Variants in LINGO2 observed in about 807,000 individuals in gnomAD.
LINGO2 encodes the protein leucine rich repeat and Ig domain containing 2.
LINGO2 carries 14 observed loss-of-function variants against 30.6 expected under a neutral mutation model. That is an observed-to-expected ratio of 0.46 (90% CI 0.30 to 0.72). The LOEUF is 0.72. LINGO2 is among the 30% of genes least tolerant of loss of function. The pLI, the probability that LINGO2 is intolerant of heterozygous loss-of-function variation, is 0.07. For synonymous variants in LINGO2, 317 were observed against 288.5 expected (o/e 1.10, Z -1.00); for missense variants, 729 against 751.7 (o/e 0.97, Z 0.35).
the LINGO2 span, among the ~76,000 whole-genome samples, chr9:28,767,108 C>T: frequency 6.6e-6 from 1 of 152,026 alleles, no homozygotes; most frequent in Admixed American, 6.6e-5. Flanking sequence ...AATGGAGAGA[C>T]GTAGGTCAAA....
chr9:28,854,838 T>C, the LINGO2 span, among the ~76,000 whole-genome samples: 10 of 151,948 alleles, frequency 6.6e-5, no homozygotes, highest in Admixed American at 2.0e-4. Context: ...TTATGTTCTT[T>C]GGCACAAACA....
the LINGO2 span, among the ~76,000 whole-genome samples, chr9:29,064,063 G>T: frequency 1.3e-5 from 2 of 151,932 alleles, no homozygotes; most frequent in African/African-American, 4.8e-5. Context: ...TTTAATTGTC[G>T]CAGTGAACAT....
chr9:28,220,436 C>T (rs1359242834), intron 4 of LINGO2, among the ~76,000 whole-genome samples: 4 of 152,084 alleles, frequency 2.6e-5, no homozygotes, highest in Admixed American at 2.0e-4. Context: ...CAGGAGCACA[C>T]AGTAGGATGT....
At chr9:28,191,798 A>ATTCAGTAAAATG (rs1299810681) in intron 4 of LINGO2, among the ~76,000 whole-genome samples, 1 of 152,076 alleles carries the variant, frequency 6.6e-6, no homozygotes, top group African/African-American at 2.4e-5. Context: ...CTTTTCCCAT[A>ATTCAGTAAAATG]TTCAGTAAAA....
the LINGO2 span, among the ~76,000 whole-genome samples, chr9:28,909,562 T>A: frequency 1.3e-5 from 2 of 152,010 alleles, no homozygotes; most frequent in Non-Finnish European, 2.9e-5. Flanking sequence ...GACTCTTGAT[T>A]TCAGAACAAA....
At chr9:28,200,532 C>T (rs1820192052) in intron 4 of LINGO2, among the ~76,000 whole-genome samples, 1 of 152,094 alleles carries the variant, frequency 6.6e-6, no homozygotes, top group South Asian at 2.1e-4. Flanking sequence ...TTACATATGG[C>T]TTTAAGAATA....
intron 4 of LINGO2, among the ~76,000 whole-genome samples, chr9:28,055,232 T>G (rs1824870253): frequency 2.6e-5 from 4 of 152,148 alleles, no homozygotes. Context: ...GAAAATAACT[T>G]ACGAATAAGG....
intron 1 of LINGO2, among the ~76,000 whole-genome samples, chr9:28,588,277 A>C (rs934073375): frequency 6.6e-6 from 1 of 151,754 alleles, no homozygotes; most frequent in African/African-American, 2.4e-5. Context: ...TTAGCTGAAA[A>C]ATGATTGGAG....
At chr9:28,227,335 G>T (rs766733149) in intron 4 of LINGO2, among the ~76,000 whole-genome samples, 8 of 152,060 alleles carry the variant, frequency 5.3e-5, no homozygotes, top group Non-Finnish European at 1.2e-4. Context: ...ATTTAGGAGA[G>T]ATAGAGCAGC....
the LINGO2 span, among the ~76,000 whole-genome samples, chr9:29,175,655 T>C: frequency 6.6e-6 from 1 of 151,302 alleles, no homozygotes. Context: ...GTCTCCTGAG[T>C]AGCTGGGATT....
chr9:28,040,006 A>G (rs978407220), intron 4 of LINGO2, among the ~76,000 whole-genome samples: 14 of 152,306 alleles, frequency 9.2e-5, no homozygotes, highest in Non-Finnish European at 1.3e-4. Context: ...GCCAAGCTTG[A>G]GTCCATGTGC....
chr9:29,126,778 G>A, the LINGO2 span, among the ~76,000 whole-genome samples: 1 of 152,048 alleles, frequency 6.6e-6, no homozygotes, highest in African/African-American at 2.4e-5. Flanking sequence ...TCCTTCTGAG[G>A]CAGGAGAATA....
chr9:28,172,016 CAAAAAAAAAAAAAAAAACA>C (rs1828602837), intron 4 of LINGO2, among the ~76,000 whole-genome samples: 1 of 44,036 alleles, frequency 2.3e-5, no homozygotes, highest in South Asian at 1.5e-3. Context: ...GACTCCGTCT[CAAAAAAAAAAAAAAAAACA>C]AAAAAAAAAA....
chr9:28,595,796 G>T (rs1379802443), intron 1 of LINGO2, among the ~76,000 whole-genome samples: 1 of 152,086 alleles, frequency 6.6e-6, no homozygotes, highest in African/African-American at 2.4e-5. Flanking sequence ...GAGTTGTATT[G>T]TCACATTGCC....
the LINGO2 span, among the ~76,000 whole-genome samples, chr9:29,189,616 G>C: frequency 2.0e-5 from 3 of 151,632 alleles, no homozygotes; most frequent in Non-Finnish European, 2.9e-5. Flanking sequence ...ACGGGGTGGC[G>C]GCCGGGCAGA....
chr9:28,661,862 C>T (rs980888615), intron 1 of LINGO2, among the ~76,000 whole-genome samples: 33 of 151,992 alleles, frequency 2.2e-4, no homozygotes, highest in African/African-American at 7.7e-4. Context: ...TACTATGGAC[C>T]CACAGTATTC....
chr9:28,381,876 A>G (rs1821372469), intron 2 of LINGO2, among the ~76,000 whole-genome samples: 1 of 152,114 alleles, frequency 6.6e-6, no homozygotes, highest in African/African-American at 2.4e-5. Context: ...GGCTTAGGCC[A>G]CCATTTACAT....
chr9:28,380,403 T>TTC (rs1554713845), intron 2 of LINGO2, among the ~76,000 whole-genome samples: 46 of 150,478 alleles, frequency 3.1e-4, no homozygotes, highest in African/African-American at 7.1e-4. Flanking sequence ...TTTTTTTTTT[T>TTC]CCAATGGTAA....
chr9:28,603,804 T>C (rs1825591110), intron 1 of LINGO2, among the ~76,000 whole-genome samples: 1 of 152,032 alleles, frequency 6.6e-6, no homozygotes, highest in African/African-American at 2.4e-5. Context: ...TAGTTCCTAG[T>C]GTTTTTGATG....
Sources: allele counts gnomAD v4.1 joint callset (sites outside exome capture counted in the v4.1 genomes callset), GRCh38; gene constraint gnomAD v4.1.1; transcripts MANE v1.5; gene names NCBI Gene and HGNC (gene_info 2026-07-23, HGNC 2026-07-21).